TMEM135: variants seen among roughly 807,000 people sequenced by gnomAD.
The protein encoded by TMEM135 is peroxisomal membrane protein 52.
In TMEM135, 30 loss-of-function variants were observed where a neutral mutation model predicts 60.3. The observed-to-expected ratio is 0.50, with a 90% CI of 0.37 to 0.68. TMEM135 has a LOEUF of 0.68. Ranked by LOEUF, TMEM135 falls within the 30% of genes least tolerant of loss-of-function variation. TMEM135 has a pLI of 0.00. For synonymous variants in TMEM135, 190 were observed against 186.7 expected, an observed-to-expected ratio of 1.02 and a Z score of -0.14; for missense variants, 468 against 548.8, an observed-to-expected ratio of 0.85 and a Z score of 1.47.
intron 6 of TMEM135, among the ~76,000 whole-genome samples, chr11:87,241,713 T>A (rs1416792666): frequency 6.6e-6 from 1 of 152,078 alleles, no homozygotes; most frequent in Non-Finnish European, 1.5e-5. Flanking sequence ...TCTATCTCCA[T>A]GAGTTCAATT....
chr11:87,118,395 A>G (rs564018438), intron 4 of TMEM135, among the ~76,000 whole-genome samples: 2 of 151,954 alleles, frequency 1.3e-5, no homozygotes, highest in East Asian at 1.9e-4. Context: ...GTTGTTTAGT[A>G]TAGCCACCTT....
intron 4 of TMEM135, among the ~76,000 whole-genome samples, chr11:87,110,848 G>A (rs954249582): frequency 1.8e-4 from 28 of 152,106 alleles, no homozygotes; most frequent in African/African-American, 5.8e-4. Flanking sequence ...AAAATTACAG[G>A]CATTATATAA....
chr11:87,327,033 G>A lies in TMEM135; in HGVS notation c.*5700G>A, dbSNP rs1371517125. 2.2e-6 allele frequency: 1 copy of A among 453,072 alleles called. No homozygotes were observed. The allele number at this position is 453,072 out of a possible 1,614,324, so 28.1% of individuals were successfully genotyped here. On this transcript the variant is annotated 3_prime_UTR_variant, in exon 15 of 15. Transcript: ENST00000305494. ...AGTTTTTCCTTGCTGAGGGAACACTGATGTTGTTTAAGACAGTTACATGCC... is the reference window on the plus strand; with the variant it reads ...AGTTTTTCCTTGCTGAGGGAACACTAATGTTGTTTAAGACAGTTACATGCC...
chr11:87,129,413 T>A (rs1437654513), intron 4 of TMEM135, among the ~76,000 whole-genome samples: 3 of 151,726 alleles, frequency 2.0e-5, no homozygotes, highest in Non-Finnish European at 4.4e-5. Flanking sequence ...TGGCTAATTT[T>A]TGTGTTTTTA....
At chr11:87,084,211 A>T (rs941997617) in intron 3 of TMEM135, among the ~76,000 whole-genome samples, 1 of 152,202 alleles carries the variant, frequency 6.6e-6, no homozygotes, top group Admixed American at 6.5e-5. Flanking sequence ...GGATGTGTGG[A>T]TACTTTTTAA....
chr11:87,125,695 G>A (rs1366418601), intron 4 of TMEM135, among the ~76,000 whole-genome samples: 6 of 152,288 alleles, frequency 3.9e-5, no homozygotes, highest in Non-Finnish European at 7.4e-5. Flanking sequence ...AAAAAGTGAT[G>A]TGATAGGATT....
intron 6 of TMEM135, among the ~76,000 whole-genome samples, chr11:87,249,948 G>A (rs867037098): frequency 5.3e-5 from 8 of 151,960 alleles, no homozygotes; most frequent in African/African-American, 1.4e-4. Flanking sequence ...TTCTTTGCTG[G>A]GAGGCTTTTT....
At chr11:87,297,472 T>C (rs1170894542) in intron 7 of TMEM135, among the ~76,000 whole-genome samples, 1 of 152,228 alleles carries the variant, frequency 6.6e-6, no homozygotes, top group Non-Finnish European at 1.5e-5. Context: ...AAGATTTTCT[T>C]ATTGTTGTTG....
intron 4 of TMEM135, among the ~76,000 whole-genome samples, chr11:87,140,692 T>C (rs1013545215): frequency 9.2e-5 from 14 of 152,244 alleles, no homozygotes; most frequent in Non-Finnish European, 1.6e-4. Context: ...CAATGTAGTA[T>C]ATCTTTGCTC....
At chr11:87,223,290 G>T (rs568368197) in intron 5 of TMEM135, among the ~76,000 whole-genome samples, 2 of 150,968 alleles carry the variant, frequency 1.3e-5, no homozygotes, top group Admixed American at 6.6e-5. Flanking sequence ...TCAGCCTCCC[G>T]AGTAGCTGTG....
At chr11:87,258,877 G>T in intron 6 of TMEM135, 3 of 898,806 alleles carry the variant, frequency 3.3e-6, no homozygotes, top group South Asian at 1.3e-5. Context: ...TGAAGGAAGA[G>T]CCCCTTGCAT....
chr11:87,210,025 C>T (rs930147794), intron 5 of TMEM135, among the ~76,000 whole-genome samples: 60 of 152,032 alleles, frequency 3.9e-4, no homozygotes, highest in Admixed American at 2.9e-3. Flanking sequence ...GCTAAAGCAG[C>T]GTTAAGAGGA....
intron 4 of TMEM135, among the ~76,000 whole-genome samples, chr11:87,115,399 A>G (rs1233828736): frequency 6.6e-6 from 1 of 152,160 alleles, no homozygotes; most frequent in Non-Finnish European, 1.5e-5. Context: ...AGAACATTTT[A>G]AAAAAGTAAA....
At chr11:87,066,427 A>G (rs1856652952) in intron 1 of TMEM135, among the ~76,000 whole-genome samples, 1 of 152,132 alleles carries the variant, frequency 6.6e-6, no homozygotes, top group African/African-American at 2.4e-5. Context: ...ATCAGTCCTC[A>G]GTATCTATAT....
chr11:87,045,382 G>C (rs1949787031), intron 1 of TMEM135, among the ~76,000 whole-genome samples: 1 of 152,090 alleles, frequency 6.6e-6, no homozygotes, highest in South Asian at 2.1e-4. Flanking sequence ...TCTCTGTTGA[G>C]TACAAACTAC....
At chr11:87,168,096 T>C (rs1309028236) in intron 5 of TMEM135, among the ~76,000 whole-genome samples, 1 of 152,220 alleles carries the variant, frequency 6.6e-6, no homozygotes, top group Non-Finnish European at 1.5e-5. Flanking sequence ...TTTATTTGCA[T>C]AGAGGTGTTT....
intron 6 of TMEM135, among the ~76,000 whole-genome samples, chr11:87,241,980 A>G (rs985212138): frequency 2.0e-5 from 3 of 151,682 alleles, no homozygotes; most frequent in Non-Finnish European, 2.9e-5. Context: ...GCATTAGGAG[A>G]TATACCTAAT....
intron 8 of TMEM135, among the ~76,000 whole-genome samples, chr11:87,305,001 C>T (rs1166383070): frequency 2.0e-5 from 3 of 152,156 alleles, no homozygotes; most frequent in Non-Finnish European, 4.4e-5. Context: ...ATTTATTAAA[C>T]ACTGGAGGGT....
At chr11:87,155,173 G>A (rs556068611) in intron 4 of TMEM135, among the ~76,000 whole-genome samples, 1 of 151,978 alleles carries the variant, frequency 6.6e-6, no homozygotes, top group East Asian at 1.9e-4. Flanking sequence ...TAATTTATGT[G>A]TTTTTAGTAG....
Sources: allele counts gnomAD v4.1 joint callset (sites outside exome capture counted in the v4.1 genomes callset), GRCh38; gene constraint gnomAD v4.1.1; transcripts MANE v1.5; gene names NCBI Gene and HGNC (gene_info 2026-07-23, HGNC 2026-07-21).